TJP1: variants seen among roughly 807,000 people sequenced by gnomAD.
TJP1 encodes tight junction protein 1.
In TJP1, 43 loss-of-function variants were observed where a neutral mutation model predicts 194.2. That is an observed-to-expected ratio of 0.22 (90% confidence interval 0.17 to 0.29). The LOEUF (loss-of-function observed/expected upper bound fraction) is 0.29, where lower values mean the gene tolerates loss of function less well. Among genes scored for constraint, TJP1 ranks in the 10% least tolerant of loss-of-function variants. TJP1 has a pLI of 1.00. For synonymous variants in TJP1, 801 were observed against 779.0 expected (o/e 1.03, Z -0.47); for missense variants, 1,971 against 2,185.7 (o/e 0.90, Z 1.96).
At chr15:29,879,468 T>C (rs1161788758) in intron 2 of TJP1, among the ~76,000 whole-genome samples, 1 of 152,164 alleles carries the variant, frequency 6.6e-6, no homozygotes, top group Non-Finnish European at 1.5e-5. Flanking sequence ...CAGTGGCCTT[T>C]TTAATTTTAA....
intron 2 of TJP1, among the ~76,000 whole-genome samples, chr15:29,776,770 T>C (rs949622365): frequency 6.6e-6 from 1 of 152,188 alleles, no homozygotes. Flanking sequence ...TTAATATCAC[T>C]ATCAAGGTTA....
intron 2 of TJP1, among the ~76,000 whole-genome samples, chr15:29,835,927 G>C (rs2051013033): frequency 6.6e-6 from 1 of 151,942 alleles, no homozygotes; most frequent in South Asian, 2.1e-4. Flanking sequence ...CAGAGAGAGA[G>C]AGAGGAGATA....
intron 2 of TJP1, among the ~76,000 whole-genome samples, chr15:29,775,290 T>C (rs2151667594): frequency 6.7e-6 from 1 of 149,944 alleles, no homozygotes; most frequent in Admixed American, 6.7e-5. Flanking sequence ...TAGTGTTTCC[T>C]TCAAGAGAGA....
chr15:29,746,528 C>G (rs2044795162), intron 8 of TJP1, among the ~76,000 whole-genome samples: 1 of 152,108 alleles, frequency 6.6e-6, no homozygotes, highest in African/African-American at 2.4e-5. Context: ...CATGTACAGA[C>G]AAGCAACAGA....
intron 2 of TJP1, among the ~76,000 whole-genome samples, chr15:29,830,327 A>C (rs184127951): frequency 3.3e-5 from 5 of 149,958 alleles, no homozygotes; most frequent in Non-Finnish European, 5.9e-5. Flanking sequence ...TATTTATATG[A>C]TAAATGTATA....
chr15:29,841,388 G>A (rs2051219310), intron 2 of TJP1, among the ~76,000 whole-genome samples: 1 of 152,192 alleles, frequency 6.6e-6, no homozygotes, highest in Non-Finnish European at 1.5e-5. Flanking sequence ...ACAACCTGCT[G>A]ATTAAAATGG....
chr15:29,777,355 G>C (rs1446040995), intron 2 of TJP1, among the ~76,000 whole-genome samples: 1 of 152,096 alleles, frequency 6.6e-6, no homozygotes, highest in African/African-American at 2.4e-5. Context: ...AAGAAGATAA[G>C]AAATACCTTC....
At chr15:29,835,013 T>G (rs2050978513) in intron 2 of TJP1, among the ~76,000 whole-genome samples, 1 of 152,158 alleles carries the variant, frequency 6.6e-6, no homozygotes, top group South Asian at 2.1e-4. Context: ...CTTTTGGGAA[T>G]GAAGTTTCCT....
At chr15:29,931,092 GTATGT>G (rs1400807561) in intron 2 of TJP1, among the ~76,000 whole-genome samples, 2 of 152,082 alleles carry the variant, frequency 1.3e-5, no homozygotes, top group Non-Finnish European at 2.9e-5. Flanking sequence ...CACATATTTT[GTATGT>G]TATATGTATA....
chr15:29,713,845 A>G (rs2042389931), intron 23 of TJP1, among the ~76,000 whole-genome samples: 1 of 152,244 alleles, frequency 6.6e-6, no homozygotes, highest in African/African-American at 2.4e-5. Context: ...AAAGGAAAAA[A>G]AAGTATACTG....
intron 2 of TJP1, among the ~76,000 whole-genome samples, chr15:29,947,052 T>C (rs2055310207): frequency 6.6e-6 from 1 of 152,240 alleles, no homozygotes. Context: ...TTACTCACTT[T>C]CCTGCCTTCG....
intron 16 of TJP1, 124 bp downstream of exon 16, chr15:29,727,813 A>G: frequency 1.4e-6 from 1 of 708,128 alleles, no homozygotes; most frequent in Non-Finnish European, 2.4e-6. Flanking sequence ...GTAAGGGCTT[A>G]ATTTTCTTAT....
At chr15:29,846,293 G>A (rs1226221793) in intron 2 of TJP1, among the ~76,000 whole-genome samples, 1 of 152,108 alleles carries the variant, frequency 6.6e-6, no homozygotes, top group Non-Finnish European at 1.5e-5. Flanking sequence ...GATAGCCCCA[G>A]TGAGGGTCCC....
At chr15:29,868,415 G>C (rs2052381148) in intron 2 of TJP1, among the ~76,000 whole-genome samples, 1 of 152,104 alleles carries the variant, frequency 6.6e-6, no homozygotes, top group African/African-American at 2.4e-5. Context: ...ATCTACATGT[G>C]AGCTCTAATA....
chr15:29,911,283 T>C (rs1309730683), intron 2 of TJP1, among the ~76,000 whole-genome samples: 3 of 151,774 alleles, frequency 2.0e-5, no homozygotes, highest in Admixed American at 6.6e-5. Context: ...CAGAGCTGAG[T>C]TGCTGTTTCT....
At chr15:29,944,654 G>A (rs541919643) in intron 2 of TJP1, among the ~76,000 whole-genome samples, 1 of 152,146 alleles carries the variant, frequency 6.6e-6, no homozygotes, top group South Asian at 2.1e-4. Context: ...ATCTTTTCCT[G>A]CAATTATTTT....
chr15:29,868,389 T>C (rs1355393947), intron 2 of TJP1, among the ~76,000 whole-genome samples: 1 of 152,184 alleles, frequency 6.6e-6, no homozygotes, highest in African/African-American at 2.4e-5. Context: ...TTTTCAGTGT[T>C]GTGGCTTCAT....
At chr15:29,796,361 A>C (rs76198751) in intron 2 of TJP1, among the ~76,000 whole-genome samples, 2,105 of 151,520 alleles carry the variant, frequency 0.014, 13 homozygotes, top group East Asian at 0.02. Context: ...ACAAAAAAAA[A>C]CCTGCATTTC....
chr15:29,946,576 A>G (rs748176504), intron 2 of TJP1, among the ~76,000 whole-genome samples: 1 of 152,240 alleles, frequency 6.6e-6, no homozygotes, highest in Non-Finnish European at 1.5e-5. Flanking sequence ...GAATCTGCTC[A>G]TGAAGAAACA....
Sources: allele counts gnomAD v4.1 joint callset (sites outside exome capture counted in the v4.1 genomes callset), GRCh38; gene constraint gnomAD v4.1.1; transcripts MANE v1.5; gene names NCBI Gene and HGNC (gene_info 2026-07-23, HGNC 2026-07-21).